The following GNG7 variants were observed in gnomAD, a reference collection of about 807,000 sequenced individuals.
GNG7 encodes the protein G protein subunit gamma 7, also known as guanine nucleotide-binding protein G(I)/G(S)/G(O) subunit gamma-7.
A neutral mutation model predicts 4.0 loss-of-function variants in GNG7; 1 was observed. The ratio of observed to expected loss-of-function variants is 0.25; its 90% CI spans 0.09 to 1.18. GNG7 has a LOEUF of 1.18. GNG7 is among the 50% of genes most tolerant of loss of function. The pLI is 0.50. For synonymous variants in GNG7, 34 were observed against 36.9 expected, an observed-to-expected ratio of 0.92 and a Z score of 0.29; for missense variants, 86 against 91.9, an observed-to-expected ratio of 0.94 and a Z score of 0.26.
chr19:2,543,440 G>C (rs1359430613), intron 3 of GNG7, among the ~76,000 whole-genome samples: 1 of 152,092 alleles, frequency 6.6e-6, no homozygotes, highest in Non-Finnish European at 1.5e-5. Flanking sequence ...GCTCAGGCCA[G>C]TCTCAAACTC....
chr19:2,682,205 G>A (rs903392697), intron 1 of GNG7, among the ~76,000 whole-genome samples: 2 of 151,812 alleles, frequency 1.3e-5, no homozygotes, highest in African/African-American at 2.4e-5. Context: ...CACCGCGCCC[G>A]GCCTGAAGCT....
intron 1 of GNG7, among the ~76,000 whole-genome samples, chr19:2,689,866 T>C (rs1183009402): frequency 6.6e-6 from 1 of 152,086 alleles, no homozygotes; most frequent in Non-Finnish European, 1.5e-5. Context: ...AGATACCCAG[T>C]GTTTTCAGCC....
chr19:2,665,988 C>T (rs540148726), intron 1 of GNG7, among the ~76,000 whole-genome samples: 7 of 152,010 alleles, frequency 4.6e-5, no homozygotes, highest in African/African-American at 1.7e-4. Context: ...GCCTCAGTCC[C>T]CCATATAGCC....
At chr19:2,538,762 ATTTTTCTTT>A (rs752470438) in intron 3 of GNG7, 17 of 393,128 alleles carry the variant, frequency 4.3e-5, no homozygotes, top group South Asian at 1.9e-4. Flanking sequence ...AGATATATAT[ATTTTTCTTT>A]TTTTTCTTTT....
chr19:2,553,794 C>T (rs1008626522), intron 3 of GNG7, among the ~76,000 whole-genome samples: 5 of 129,104 alleles, frequency 3.9e-5, no homozygotes, highest in East Asian at 2.3e-4. Flanking sequence ...CACACATGTA[C>T]GTATCATGTG....
intron 3 of GNG7, among the ~76,000 whole-genome samples, chr19:2,553,961 T>C (rs985820858): frequency 7.5e-6 from 1 of 132,938 alleles, no homozygotes; most frequent in African/African-American, 2.9e-5. Flanking sequence ...TAATATATAT[T>C]ACACATATGT....
chr19:2,606,667 ATTAATTAAT>A (rs1981394586), intron 2 of GNG7, among the ~76,000 whole-genome samples: 1 of 90,604 alleles, frequency 1.1e-5, no homozygotes, highest in Non-Finnish European at 2.8e-5. Flanking sequence ...AAAAAAAATA[ATTAATTAAT>A]TAATTAATTA....
chr19:2,525,492 C>T (rs1037778236), intron 3 of GNG7, among the ~76,000 whole-genome samples: 2 of 152,168 alleles, frequency 1.3e-5, no homozygotes, highest in African/African-American at 4.8e-5. Flanking sequence ...GAGGGTACCC[C>T]CCCACTCCAG....
At chr19:2,655,738 C>T (rs2144871574) in intron 1 of GNG7, among the ~76,000 whole-genome samples, 1 of 149,768 alleles carries the variant, frequency 6.7e-6, no homozygotes, top group Admixed American at 6.7e-5. Flanking sequence ...ACTCGGGAGC[C>T]TGAGGCAAGA....
chr19:2,597,566 C>A (rs1254689602), intron 2 of GNG7, among the ~76,000 whole-genome samples: 3 of 151,314 alleles, frequency 2.0e-5, no homozygotes, highest in African/African-American at 7.3e-5. Flanking sequence ...CACTGCACTC[C>A]AGCCTGGGTG....
chr19:2,601,151 A>C (rs1981187931), intron 2 of GNG7, among the ~76,000 whole-genome samples: 1 of 152,018 alleles, frequency 6.6e-6, no homozygotes, highest in South Asian at 2.1e-4. Context: ...CATCTCCAAA[A>C]ACAAATTATT....
intron 2 of GNG7, among the ~76,000 whole-genome samples, chr19:2,585,146 G>T (rs906592289): frequency 6.6e-6 from 1 of 151,302 alleles, no homozygotes; most frequent in African/African-American, 2.4e-5. Context: ...GAAGGGCCTT[G>T]TTCTTAGAAA....
intron 2 of GNG7, among the ~76,000 whole-genome samples, chr19:2,566,138 ACAGAGCCAGACTCCGTCT>A (rs1266762271): frequency 3.1e-4 from 47 of 152,168 alleles, no homozygotes; most frequent in Non-Finnish European, 4.1e-4. Flanking sequence ...AGCCTGGGCG[ACAGAGCCAGACTCCGTCT>A]CATAAATAAA....
chr19:2,607,846 A>G (rs1423097646), intron 2 of GNG7, among the ~76,000 whole-genome samples: 1 of 152,084 alleles, frequency 6.6e-6, no homozygotes, highest in African/African-American at 2.4e-5. Flanking sequence ...GCGCTCACCA[A>G]CGACACGGCA....
rs1180924383 is a variant in GNG7 at position 2,553,645 on chromosome 19, T to C, written c.-38+1504A>G. ...CATGCACACGTTACATGTAATATGT[T>C]ATATTACATACATGCACACGTTACA... On this transcript the variant is annotated intron_variant, in intron 3 of 4. Transcript: ENST00000382159. Among the ~76,000 whole-genome samples, 8 of 82,766 alleles carry C rather than the reference T, an allele frequency of 9.7e-5. No individual in the cohort carries two copies. In the East Asian group the frequency reaches 1.4e-3, roughly 14 times the overall value. 54.3% of individuals were successfully genotyped at this position (82,766 alleles called of 152,430 possible).
intron 1 of GNG7, among the ~76,000 whole-genome samples, chr19:2,662,393 C>T (rs1352751536): frequency 5.9e-5 from 9 of 151,984 alleles, no homozygotes; most frequent in Non-Finnish European, 1.3e-4. Context: ...TACCTGGAGA[C>T]AGCCTTGGAC....
At chr19:2,671,156 C>T (rs563359882) in intron 1 of GNG7, among the ~76,000 whole-genome samples, 40 of 151,316 alleles carry the variant, frequency 2.6e-4, no homozygotes, top group Non-Finnish European at 4.7e-4. Context: ...TCCTTGGCCT[C>T]CACCCAGTCC....
Position 2,536,940 on chromosome 19 carries a change from A to AT in GNG7, c.-37-16216dup, listed in dbSNP as rs1329534029. 1.1e-4 allele frequency among the ~76,000 whole-genome samples: 16 copies of AT among 147,842 alleles called. No homozygotes were observed. In the East Asian group the frequency reaches 2.8e-3, roughly 25 times the overall value. On this transcript the variant is annotated intron_variant, in intron 3 of 4. Coordinates refer to ENST00000382159, the MANE Select transcript of GNG7 (RefSeq NM_052847.3). ...AAAATATATATACATACATATTTTT[A>AT]TTTTTATTTTTATTTTTTTTTTTTG...
chr19:2,544,361 C>T (rs1224537624), intron 3 of GNG7, among the ~76,000 whole-genome samples: 3 of 152,114 alleles, frequency 2.0e-5, no homozygotes, highest in South Asian at 2.1e-4. Context: ...GCTGTGGGCA[C>T]GAGGGCCTCA....
Sources: allele counts gnomAD v4.1 joint callset (sites outside exome capture counted in the v4.1 genomes callset), GRCh38; gene constraint gnomAD v4.1.1; transcripts MANE v1.5; gene names NCBI Gene and HGNC (gene_info 2026-07-23, HGNC 2026-07-21).